The following IL16 variants were observed in gnomAD, a reference collection of about 807,000 sequenced individuals.
IL16 encodes interleukin 16.
IL16 carries 67 observed loss-of-function variants against 110.1 expected under a neutral mutation model. That is an observed-to-expected ratio of 0.61 (90% CI 0.50 to 0.75). IL16 has a LOEUF of 0.75. Ranked by LOEUF, IL16 falls within the 30% of genes least tolerant of loss-of-function variation. The pLI is 0.00. For missense variants in IL16, 1,545 were observed against 1,655.0 expected (o/e 0.93, Z 1.15); for synonymous variants, 689 against 662.9 (o/e 1.04, Z -0.61).
At position 81,282,198 on chromosome 15, in the gene IL16, C is replaced by T. The variant is rs370483791; in HGVS notation, c.1082-441C>T. On this transcript the variant is annotated intron_variant, in intron 8 of 18. Transcript: ENST00000683961. ...GCTTGCTTTTGCCCTGGGGCCTTTG[C>T]GTTGGCTGTTTCTGCTTCTGAGATG... Among the ~76,000 whole-genome samples, 9 of 152,324 alleles carry T rather than the reference C, an allele frequency of 5.9e-5. No homozygotes were observed. In the East Asian group the frequency reaches 1.2e-3, roughly 20 times the overall value.
At position 81,308,820 on chromosome 15, in the gene IL16, G is replaced by C; in HGVS notation, c.*22G>C. The stretch of plus-strand genomic sequence containing the variant: ...CTAGGCAGGACATGCTGAAGCCAAA[G>C]CCAATAACACACAGCTAACACACAG... On this transcript the variant is annotated 3_prime_UTR_variant, in exon 19 of 19. Transcript: ENST00000683961. 6.3e-7 allele frequency: 1 copy of C among 1,595,652 alleles called. No homozygotes were observed. Among genetic ancestry groups the C allele is most frequent in the Non-Finnish European group, 8.5e-7 (1 of 1,169,744 alleles).
intron 2 of IL16, among the ~76,000 whole-genome samples, chr15:81,249,975 A>T (rs1216744301): frequency 2.0e-5 from 3 of 152,108 alleles, no homozygotes; most frequent in Non-Finnish European, 2.9e-5. Context: ...AATATGAATA[A>T]TTTTTTTAAA....
At position 81,305,852 on chromosome 15, in the gene IL16, A is replaced by T. The variant is rs1291682632; in HGVS notation, c.3421-56A>T. On this transcript the variant is annotated intron_variant, in intron 16 of 18. Transcript: ENST00000683961. ...TAACCGGTTCAATCCTCCTCCAGCA[A>T]GTATGTGGACTGGACTTGTGTGATT... 1.1e-5 allele frequency: 17 copies of T among 1,583,806 alleles called. No individual in the cohort carries two copies. The Middle Eastern group carries it at 8.5e-4, about 79-fold the overall frequency.
chr15:81,243,890 G>A (rs1897440208), intron 2 of IL16, among the ~76,000 whole-genome samples: 2 of 152,110 alleles, frequency 1.3e-5, no homozygotes, highest in Admixed American at 6.5e-5. Context: ...AGGGTTTGTA[G>A]TGATAGCTTC....
chr15:81,225,084 C>T lies in IL16; in HGVS notation c.-101-215C>T, dbSNP rs113049884. Reference sequence around the variant, plus strand: ...ATGAGAAGCTCTGGGGCTAGGTCTCCATGACACTGGGAGTGGAGTGGGTGT... The same window carrying T: ...ATGAGAAGCTCTGGGGCTAGGTCTCTATGACACTGGGAGTGGAGTGGGTGT... On this transcript the variant is annotated intron_variant, in intron 1 of 18. Transcript: ENST00000683961. 6.6e-3 allele frequency among the ~76,000 whole-genome samples: 1,010 copies of T among 152,260 alleles called. 7 individuals carry two copies. The highest frequency in any genetic ancestry group is 0.016 in the Admixed American group (249 of 15,286).
At chr15:81,226,567 A>G (rs1397303550) in intron 2 of IL16, among the ~76,000 whole-genome samples, 2 of 152,168 alleles carry the variant, frequency 1.3e-5, no homozygotes, top group Non-Finnish European at 2.9e-5. Context: ...AGTACCTTTG[A>G]AAGGGGTCTG....
chr15:81,303,498 G>C lies in IL16; in HGVS notation c.3319-51G>C, dbSNP rs543542566. ...TCTGATGTCAGTCCGATGTTAAATT[G>C]TTCATCCTCTTGCAGTAAAATGTTT... On this transcript the variant is annotated intron_variant, in intron 15 of 18. Transcript: ENST00000683961. This position sits in a 1 kb window ranked among gnomAD's most constrained non-coding sequence, Gnocchi z 4.1. The C allele has an allele frequency of 9.6e-6, 12 of 1,252,890 alleles. No homozygotes were observed. In the South Asian group the frequency reaches 1.3e-4, roughly 14 times the overall value. The allele number at this position is 1,252,890 out of a possible 1,614,324, so 77.6% of individuals were successfully genotyped here.
In IL16 at chr15:81,313,649, C is replaced by G. The variant is rs17875574; in HGVS notation, c.*4851C>G. ...CTCCAGGGAGGAAGAAGTCCCTACT[C>G]CCAGCCCAAAAACCCAGTACCCTGC... On this transcript the variant is annotated 3_prime_UTR_variant, in exon 19 of 19. Coordinates refer to ENST00000683961, the MANE Select transcript of IL16 (RefSeq NM_172217.5). The G allele has an allele frequency of 6.8e-3, 2,143 of 314,908 alleles. 39 individuals carry two copies. The highest frequency in any genetic ancestry group is 0.037 in the African/African-American group (1,718 of 46,712). 19.5% of individuals were successfully genotyped at this position (314,908 alleles called of 1,614,324 possible).
chr15:81,195,239 G>A (rs1273865420), upstream of IL16, among the ~76,000 whole-genome samples: 1 of 152,190 alleles, frequency 6.6e-6, no homozygotes, highest in African/African-American at 2.4e-5. Context: ...ACTTAGTGGA[G>A]GAGGGGGGCT....
At chr15:81,306,755 T>A in intron 18 of IL16, 1 of 627,946 alleles carries the variant, frequency 1.6e-6, no homozygotes, top group Non-Finnish European at 2.8e-6. Flanking sequence ...TCTGTTTTGA[T>A]GGGTCTTCAA....
intron 6 of IL16, among the ~76,000 whole-genome samples, chr15:81,274,118 A>T (rs1468209986): frequency 2.0e-5 from 3 of 151,440 alleles, no homozygotes; most frequent in African/African-American, 7.3e-5. Flanking sequence ...TAGCATTTTC[A>T]CTCTTCTCTG....
intron 2 of IL16, among the ~76,000 whole-genome samples, chr15:81,236,305 C>T (rs756915149): frequency 3.3e-5 from 5 of 152,186 alleles, no homozygotes; most frequent in Admixed American, 2.0e-4. Flanking sequence ...CTTTTGGCTG[C>T]CTGCCTCTTC....
chr15:81,192,225 G>T (rs1895508973), upstream of IL16, among the ~76,000 whole-genome samples: 1 of 152,210 alleles, frequency 6.6e-6, no homozygotes, highest in African/African-American at 2.4e-5. Context: ...TGGAGAGGGA[G>T]ATCAGTATTC....
chr15:81,232,060 T>TTTTTTTTTTTTTTTTTTTTA (rs1897022534), intron 2 of IL16, among the ~76,000 whole-genome samples: 1 of 142,880 alleles, frequency 7.0e-6, no homozygotes, highest in Non-Finnish European at 1.5e-5. Context: ...TTTTTTTTTT[T>TTTTTTTTTTTTTTTTTTTTA]TTTTTTCTTT....
chr15:81,288,808 G>A (rs921279401), intron 10 of IL16, among the ~76,000 whole-genome samples: 6 of 149,386 alleles, frequency 4.0e-5, no homozygotes, highest in African/African-American at 1.5e-4. Flanking sequence ...TTTTAAGGTC[G>A]AATAATCTTC....
chr15:81,275,806 A>G (rs1596021612), intron 6 of IL16, among the ~76,000 whole-genome samples: 2 of 152,346 alleles, frequency 1.3e-5, no homozygotes, highest in South Asian at 4.1e-4. Context: ...TCTTGAATTC[A>G]GGGCAAATAC....
At chr15:81,285,979 G>T (rs1244901267) in intron 10 of IL16, 149 bp downstream of exon 10, 1 of 831,124 alleles carries the variant, frequency 1.2e-6, no homozygotes, top group Non-Finnish European at 1.9e-6. Context: ...AGTAAGAATT[G>T]TCTGCAGCAG....
Position 81,303,031 on chromosome 15 carries a change from G to A in IL16, c.3319-518G>A, listed in dbSNP as rs200829844. Among the ~76,000 whole-genome samples, 16,497 of 152,006 alleles carry A rather than the reference G, an allele frequency of 0.11. 1,104 individuals carry two copies. The highest frequency in any genetic ancestry group is 0.18 in the African/African-American group (7,383 of 41,354). On this transcript the variant is annotated intron_variant, in intron 15 of 18. Transcript: ENST00000683961. The surrounding 1 kb of genome is among the most constrained non-coding windows in gnomAD (Gnocchi z 4.1). ...ACCGTAGTAATGTGTGTGTGTGTGT[G>A]TGTGTGTGTGTGTCACACTTGCACA...
intron 2 of IL16, among the ~76,000 whole-genome samples, chr15:81,243,419 A>T (rs1389144744): frequency 6.6e-6 from 1 of 151,584 alleles, no homozygotes; most frequent in Non-Finnish European, 1.5e-5. Flanking sequence ...TCCTGAGCTC[A>T]AGCAATCCAC....
Sources: allele counts gnomAD v4.1 joint callset (sites outside exome capture counted in the v4.1 genomes callset), GRCh38; gene constraint gnomAD v4.1.1; non-coding constraint Gnocchi (gnomAD v3.1); transcripts MANE v1.5; gene names NCBI Gene and HGNC (gene_info 2026-07-23, HGNC 2026-07-21).